The following OOSP1 variants were observed in gnomAD, a reference collection of about 807,000 sequenced individuals.
OOSP1 encodes the protein putative oocyte-secreted protein 1 homolog.
In OOSP1, 11 loss-of-function variants were observed where a neutral mutation model predicts 5.7. That is an observed-to-expected ratio of 1.94 (90% CI 1.22 to 3.20). The LOEUF is 3.20. OOSP1 is among the 30% of genes most tolerant of loss of function. The pLI is 0.00. For synonymous variants in OOSP1, 44 were observed against 20.0 expected (o/e 2.20, Z -3.20); for missense variants, 83 against 54.1 (o/e 1.53, Z -1.67).
In OOSP1 at chr11:59,942,854, AG is replaced by A. The variant is rs1853844621; in HGVS notation, c.85del (p.Val29TyrfsTer22). 1 of 702,356 alleles carries A rather than the reference AG, an allele frequency of 1.4e-6. No homozygotes were observed. Among genetic ancestry groups the A allele is most frequent in the East Asian group, 2.7e-5 (1 of 37,246 alleles). 43.5% of individuals were successfully genotyped at this position (702,356 alleles called of 1,614,324 possible). A position where few individuals can be genotyped will look rare whatever the true frequency, so the allele number is the denominator to read the frequency against. On this transcript the variant is annotated frameshift_variant, in exon 2 of 5. Transcript: ENST00000646685. LOFTEE classifies it high-confidence loss of function. The stretch of plus-strand genomic sequence containing the variant: ...CTTTTTCCTGCTTTTCAGCTATTCA[AG>A]TACACTGCACCCAGTTTTGGTTCTT...
chr11:59,946,374 T>C (rs534275186), intron 3 of OOSP1, among the ~76,000 whole-genome samples: 1 of 152,332 alleles, frequency 6.6e-6, no homozygotes, highest in African/African-American at 2.4e-5. Context: ...ACTGCCGTGC[T>C]AAACCATTCG....
chr11:59,954,629 TTATCTATCTATCTATCTATC>T (rs55633618), intron 4 of OOSP1, among the ~76,000 whole-genome samples: 3 of 148,230 alleles, frequency 2.0e-5, no homozygotes, highest in African/African-American at 7.4e-5. Flanking sequence ...TGAAGGGACT[TTATCTATCTATCTATCTATC>T]TATCTATCTA....
At chr11:59,953,335 T>C (rs989131071) in intron 4 of OOSP1, among the ~76,000 whole-genome samples, 4 of 152,146 alleles carry the variant, frequency 2.6e-5, no homozygotes, top group Non-Finnish European at 5.9e-5. Flanking sequence ...GTCTCCTGAC[T>C]TTGCTGCCTT....
At chr11:59,950,147 T>A (rs550799730) in intron 4 of OOSP1, among the ~76,000 whole-genome samples, 1 of 152,314 alleles carries the variant, frequency 6.6e-6, no homozygotes, top group South Asian at 2.1e-4. Flanking sequence ...GTTAGAGGAA[T>A]CTGGAGAGTT....
At chr11:59,944,322 G>A (rs1319693891) in intron 2 of OOSP1, among the ~76,000 whole-genome samples, 4 of 136,476 alleles carry the variant, frequency 2.9e-5, no homozygotes, top group Non-Finnish European at 6.3e-5. Context: ...ACCACAGCAG[G>A]TATTAGGGGG....
Position 59,944,990 on chromosome 11 carries a change from C to A in OOSP1, c.259-179C>A, listed in dbSNP as rs538548543. Among the ~76,000 whole-genome samples the A allele has an allele frequency of 1.1e-4, 16 of 152,288 alleles. No homozygotes were observed. In the South Asian group the frequency reaches 3.3e-3, roughly 32 times the overall value. On this transcript the variant is annotated intron_variant, in intron 2 of 4. Transcript: ENST00000646685. ...GTGCAAGCACTGTGCCAGATTTTAA[C>A]CCATCTGTCAGTTTGGAAAATGGTC...
chr11:59,949,018 A>C lies in OOSP1; in HGVS notation c.486+1156A>C, dbSNP rs1287629860. 3 of 366,270 alleles carry C rather than the reference A, an allele frequency of 8.2e-6. No individual in the cohort carries two copies. The South Asian group carries it at 4.5e-4, about 54-fold the overall frequency. 22.7% of individuals were successfully genotyped at this position (366,270 alleles called of 1,614,324 possible). ...GAAGTTTTATTTATGAATAAAGTTTATACTACTATATATCTGTTTCTAGTT... is the reference window on the plus strand; with the variant it reads ...GAAGTTTTATTTATGAATAAAGTTTCTACTACTATATATCTGTTTCTAGTT... On this transcript the variant is annotated intron_variant, in intron 4 of 4. Transcript: ENST00000646685.
chr11:59,950,227 C>T (rs569294353), intron 4 of OOSP1, among the ~76,000 whole-genome samples: 8 of 152,190 alleles, frequency 5.3e-5, no homozygotes, highest in East Asian at 1.9e-4. Context: ...GATGTTGGTT[C>T]GGAAACCTTA....
chr11:59,941,454 A>G (rs1853824206), intron 1 of OOSP1, among the ~76,000 whole-genome samples: 2 of 151,728 alleles, frequency 1.3e-5, no homozygotes, highest in Middle Eastern at 3.4e-3. Context: ...ATCTCGGCTC[A>G]CTGCAACCTC....
chr11:59,954,242 A>G (rs984186205), intron 4 of OOSP1, among the ~76,000 whole-genome samples: 3 of 152,208 alleles, frequency 2.0e-5, no homozygotes, highest in Non-Finnish European at 4.4e-5. Flanking sequence ...TCATTGTGCA[A>G]TGTAACTGTA....
intron 4 of OOSP1, among the ~76,000 whole-genome samples, chr11:59,949,349 G>T (rs1853916612): frequency 6.6e-6 from 1 of 152,088 alleles, no homozygotes; most frequent in Admixed American, 6.6e-5. Flanking sequence ...TTGGGTGAGG[G>T]TTGTGGTCCT....
intron 4 of OOSP1, chr11:59,948,566 C>T (rs1853910234): frequency 2.6e-6 from 1 of 391,464 alleles, no homozygotes; most frequent in Non-Finnish European, 4.5e-6. Context: ...TTCTTCTCCT[C>T]CCTTACCTCC....
intron 3 of OOSP1, among the ~76,000 whole-genome samples, chr11:59,945,585 C>CA (rs1853873846): frequency 6.9e-6 from 1 of 145,858 alleles, no homozygotes; most frequent in African/African-American, 2.6e-5. Context: ...ACTAAAAATA[C>CA]CAAAAAAAAA....
intron 3 of OOSP1, among the ~76,000 whole-genome samples, chr11:59,947,051 G>C (rs1290566001): frequency 6.6e-6 from 1 of 151,874 alleles, no homozygotes. Flanking sequence ...CTTAGCAAAA[G>C]TGTGATATAT....
rs11825275 is a variant in OOSP1 at position 59,956,269 on chromosome 11, G to T, written c.487-926G>T. ...GTTCAAGGTGGGTTGTGAACCAAAAGCATGATAGCAATAGCAGTTTCCTTG... is the reference window on the plus strand; with the variant it reads ...GTTCAAGGTGGGTTGTGAACCAAAATCATGATAGCAATAGCAGTTTCCTTG... On this transcript the variant is annotated intron_variant, in intron 4 of 4. Transcript: ENST00000646685. 7.8e-3 allele frequency among the ~76,000 whole-genome samples: 1,189 copies of T among 151,800 alleles called. 24 individuals carry two copies. Among genetic ancestry groups the T allele is most frequent in the African/African-American group, 0.027 (1,102 of 41,398 alleles).
At chr11:59,944,218 A>AGCTGAAG (rs1173155230) in intron 2 of OOSP1, among the ~76,000 whole-genome samples, 9 of 151,994 alleles carry the variant, frequency 5.9e-5, no homozygotes. Flanking sequence ...AGGGGGTGAG[A>AGCTGAAG]GCTGAAGGCT....
At chr11:59,957,464 A>G (rs1854003939) in exon 5 of OOSP1, 2 of 364,140 alleles carry the variant, frequency 5.5e-6, no homozygotes, top group South Asian at 1.5e-4. Flanking sequence ...CTATTTTCCA[A>G]TAAAATTCTG....
chr11:59,954,875 T>G (rs1271360446), intron 4 of OOSP1, among the ~76,000 whole-genome samples: 1 of 152,114 alleles, frequency 6.6e-6, no homozygotes, highest in Non-Finnish European at 1.5e-5. Flanking sequence ...TAGGCCTTTT[T>G]TTCTTTAATC....
Position 59,945,824 on chromosome 11 carries a change from T to C in OOSP1, c.356+558T>C, listed in dbSNP as rs372344340. Among the ~76,000 whole-genome samples, 306 of 150,548 alleles carry C rather than the reference T, an allele frequency of 2.0e-3. 1 individual carries two copies. Among genetic ancestry groups the C allele is most frequent in the African/African-American group, 6.9e-3 (283 of 40,934 alleles). On this transcript the variant is annotated intron_variant, in intron 3 of 4. Coordinates refer to ENST00000646685, the Ensembl canonical transcript of OOSP1. ...TAAGAAAAGAAGTTTAATTGGCTCA[T>C]TGTTCTGCAAGCTGTGCAGGAAGCA... is the stretch of plus-strand genomic sequence containing the variant.
Sources: gnomAD v4.1 joint callset for allele counts (sites outside exome capture counted in the v4.1 genomes callset) on GRCh38, gnomAD v4.1.1 for gene constraint, MANE v1.5 for transcripts, NCBI Gene and HGNC (gene_info 2026-07-23, HGNC 2026-07-21) for gene names.